The following SLC6A13 variants were observed in gnomAD, a reference collection of about 807,000 sequenced individuals.
SLC6A13 encodes solute carrier family 6 member 13.
SLC6A13 carries 69 observed loss-of-function variants against 72.9 expected under a neutral mutation model. The observed-to-expected ratio is 0.95, with a 90% confidence interval of 0.78 to 1.16. SLC6A13 has a LOEUF of 1.16. SLC6A13 is among the 50% of genes most tolerant of loss of function. The probability of loss-of-function intolerance (pLI) is 0.00; values close to 1 mark genes in which losing one functional copy is unlikely to be tolerated. For missense variants in SLC6A13, 735 were observed against 760.5 expected, an observed-to-expected ratio of 0.97 and a Z score of 0.39; for synonymous variants, 303 against 303.0, an observed-to-expected ratio of 1.00 and a Z score of 0.00.
intron 2 of SLC6A13, among the ~76,000 whole-genome samples, chr12:244,490 A>G (rs1419525220): frequency 1.3e-5 from 2 of 151,986 alleles, no homozygotes; most frequent in African/African-American, 4.8e-5. Flanking sequence ...GGACTTCAAG[A>G]CCAGCCTGGG....
At chr12:238,369 G>C in intron 4 of SLC6A13, 1 of 1,305,344 alleles carries the variant, frequency 7.7e-7, no homozygotes, top group Non-Finnish European at 1.0e-6. Context: ...AGAGGGAAGT[G>C]ATGTGTCAGA....
intron 13 of SLC6A13, among the ~76,000 whole-genome samples, chr12:222,203 G>A (rs575153942): frequency 5.3e-5 from 8 of 152,246 alleles, no homozygotes; most frequent in East Asian, 1.9e-4. Flanking sequence ...GCTCTATACC[G>A]GCTGCTATTA....
rs534607900 is a variant in SLC6A13 at position 259,062 on chromosome 12, C to G, written c.202+789G>C. On this transcript the variant is annotated intron_variant, in intron 2 of 14. Transcript: ENST00000343164. Reference sequence around the variant, plus strand: ...AGAACAGTTTGGTTATCAACGTCATCATCAGCAGAGCTACTATTTATTACT... The same window carrying G: ...AGAACAGTTTGGTTATCAACGTCATGATCAGCAGAGCTACTATTTATTACT... The G allele has an allele frequency of 5.4e-5, 8 of 149,218 alleles. No homozygotes were observed. In the East Asian group the frequency reaches 1.2e-3, roughly 23 times the overall value. The allele number at this position is 149,218 out of a possible 1,614,324, so 9.2% of individuals were successfully genotyped here.
At chr12:228,951 C>T (rs748561070) in intron 7 of SLC6A13, among the ~76,000 whole-genome samples, 2 of 152,192 alleles carry the variant, frequency 1.3e-5, no homozygotes, top group Non-Finnish European at 2.9e-5. Flanking sequence ...GGGGTGCACC[C>T]AGGGCACCCA....
In SLC6A13 at chr12:223,124, T is replaced by A. The variant is rs756537204; in HGVS notation, c.1414+8A>T. ...AGGATGCTGGGACCTAGGGGAGGAG[T>A]CACTCACCGTAAACCCAAGCCACAC... On this transcript the variant is annotated splice_region_variant and intron_variant, in intron 12 of 14. Coordinates refer to ENST00000343164, the MANE Select transcript of SLC6A13 (RefSeq NM_016615.5). 3.2e-6 allele frequency: 5 copies of A among 1,572,562 alleles called. No homozygotes were observed. In the South Asian group the frequency reaches 4.4e-5, roughly 14 times the overall value.
At chr12:241,230 G>T (rs990113310) in intron 4 of SLC6A13, among the ~76,000 whole-genome samples, 1 of 152,180 alleles carries the variant, frequency 6.6e-6, no homozygotes, top group Non-Finnish European at 1.5e-5. Context: ...TTGAACCTGT[G>T]GGGTGGAGGT....
rs1286749753 is a variant in SLC6A13 at position 235,190 on chromosome 12, A to G, written c.731T>C (p.Met244Thr). ...VYFTATFPYL[M>T]LVVLLIRGVT... ...CCCTCGAATTAACAGGACCACCAGC[A>G]TGAGGTAAGGAAATGTGGCCGTGAA... Residue 244 changes from methionine to threonine, a missense_variant, in exon 7 of 15, where the codon ATG becomes ACG. By Grantham distance (81) the Met-to-Thr change is moderately conservative. Coordinates refer to ENST00000343164, the MANE Select transcript of SLC6A13 (RefSeq NM_016615.5). 1 of 1,614,114 alleles carries G rather than the reference A, an allele frequency of 6.2e-7. No individual in the cohort carries two copies. The highest frequency in any genetic ancestry group is 1.3e-5 in the African/African-American group (1 of 74,950).
At chr12:231,723 CA>C in intron 7 of SLC6A13, among the ~76,000 whole-genome samples, 1 of 152,236 alleles carries the variant, frequency 6.6e-6, no homozygotes, top group Non-Finnish European at 1.5e-5. Flanking sequence ...GTCACCCAGA[CA>C]GAGACTTATG....
chr12:232,996 C>T (rs1941774120), intron 7 of SLC6A13, among the ~76,000 whole-genome samples: 1 of 152,244 alleles, frequency 6.6e-6, no homozygotes, highest in Admixed American at 6.5e-5. Flanking sequence ...TCTCTTGCTC[C>T]CTGTCAGCAA....
chr12:258,648 T>C (rs1942824785), intron 2 of SLC6A13, among the ~76,000 whole-genome samples: 1 of 152,136 alleles, frequency 6.6e-6, no homozygotes, highest in Non-Finnish European at 1.5e-5. Flanking sequence ...AACCCTCCAG[T>C]AGTTGGGAAA....
In SLC6A13 at chr12:237,942, C is replaced by T. The variant is rs765557068; in HGVS notation, c.547G>A (p.Val183Ile). 30 of 1,613,752 alleles carry T rather than the reference C, an allele frequency of 1.9e-5. No individual in the cohort carries two copies. The highest frequency in any genetic ancestry group is 2.5e-5 in the Non-Finnish European group (30 of 1,179,686). ...CTCACTTACTCCCAGAACTCGATGACAGGAGAGGTGGCATTCTCAGAGGTA... is the reference window on the plus strand; with the variant it reads ...CTCACTTACTCCCAGAACTCGATGATAGGAGAGGTGGCATTCTCAGAGGTA... ...NGTSENATSP[V>I]IEFWERRVLK... The change falls in exon 5 of 15, where the codon GTC (valine) becomes ATC (isoleucine). Residue 183 changes from valine (V) to isoleucine (I), a missense_variant. Coordinates refer to ENST00000343164, the MANE Select transcript of SLC6A13 (RefSeq NM_016615.5).
intron 2 of SLC6A13, among the ~76,000 whole-genome samples, chr12:258,618 C>T (rs1350322702): frequency 6.6e-6 from 1 of 152,190 alleles, no homozygotes; most frequent in Non-Finnish European, 1.5e-5. Context: ...GGAGATATTC[C>T]TAACCCACTG....
chr12:255,308 G>T (rs1477661574), intron 2 of SLC6A13, among the ~76,000 whole-genome samples: 60 of 152,340 alleles, frequency 3.9e-4, no homozygotes, highest in Non-Finnish European at 7.9e-4. Flanking sequence ...AATTAAGGAT[G>T]ACTCCAAGAT....
chr12:227,626 T>C lies in SLC6A13; in HGVS notation c.874A>G (p.Ile292Val). ...AGGGCTGTCAGGCACCCAAGACAGATGGCGAAGGAGAAGAATATCTGGGTG... is the reference window on the plus strand; with the variant it reads ...AGGGCTGTCAGGCACCCAAGACAGACGGCGAAGGAGAAGAATATCTGGGTG... The part of the protein sequence containing the change: ...AGTQIFFSFA[I>V]CLGCLTALGS... The change falls in exon 8 of 15, where the codon ATC becomes GTC. Residue 292 changes from isoleucine (I) to valine (V), a missense_variant. Transcript: ENST00000343164. 1 of 1,613,572 alleles carries C rather than the reference T, an allele frequency of 6.2e-7. No homozygotes were observed. The highest frequency in any genetic ancestry group is 8.5e-7 in the Non-Finnish European group (1 of 1,179,674).
intron 2 of SLC6A13, among the ~76,000 whole-genome samples, chr12:258,031 C>T (rs554253149): frequency 6.0e-4 from 91 of 152,300 alleles, no homozygotes; most frequent in African/African-American, 2.0e-3. Flanking sequence ...GGGCCAGCTC[C>T]GTCTCTCCTG....
intron 4 of SLC6A13, chr12:238,409 G>T (rs1253624099): frequency 9.7e-6 from 11 of 1,138,738 alleles, no homozygotes; most frequent in Non-Finnish European, 1.3e-5. Flanking sequence ...GGAAAGCTCT[G>T]GCTTGAATGC....
chr12:253,752 G>C (rs1269757880), intron 2 of SLC6A13: 2 of 152,360 alleles, frequency 1.3e-5, no homozygotes, highest in Admixed American at 1.3e-4. Flanking sequence ...CAGGACCTAG[G>C]TATGGGAAGA....
At chr12:262,582 A>G (rs2137332141) in intron 1 of SLC6A13, 1 of 430,970 alleles carries the variant, frequency 2.3e-6, no homozygotes, top group Non-Finnish European at 3.1e-6. Context: ...TTTCCAAATC[A>G]CAGTGTCACT....
chr12:227,531 A>C (rs1362488707), intron 8 of SLC6A13, 34 bp downstream of exon 8: 1 of 1,612,536 alleles, frequency 6.2e-7, no homozygotes, highest in Admixed American at 1.7e-5. Flanking sequence ...AGAGAGATGC[A>C]GGTGTGTGGC....
Sources: allele counts gnomAD v4.1 joint callset (sites outside exome capture counted in the v4.1 genomes callset), GRCh38; gene constraint gnomAD v4.1.1; transcripts MANE v1.5; gene names NCBI Gene and HGNC (gene_info 2026-07-23, HGNC 2026-07-21).